Variants in SELENOF observed in about 807,000 individuals in gnomAD.
The protein encoded by SELENOF is 15 kDa selenoprotein.
A neutral mutation model predicts 20.5 loss-of-function variants in SELENOF; 16 were observed. That is an observed-to-expected ratio of 0.78 (90% CI 0.53 to 1.19). SELENOF has a LOEUF of 1.19. Among genes scored for constraint, SELENOF ranks in the 50% most tolerant of loss-of-function variants. SELENOF has a pLI of 0.00. For missense variants in SELENOF, 215 were observed against 194.2 expected (o/e 1.11, Z -0.64); for synonymous variants, 78 against 74.5 (o/e 1.05, Z -0.24).
chr1:86,863,426 T>G lies in SELENOF; in HGVS notation c.*48A>C. The G allele has an allele frequency of 6.5e-7, 1 of 1,527,092 alleles. No individual in the cohort carries two copies. 94.6% of individuals were successfully genotyped at this position (1,527,092 alleles called of 1,614,324 possible). ...AAATTATTTTCTAGGTGCTGTAATA[T>G]TTCATTTGATAAGGTAACAAAAGGA... On this transcript the variant is annotated 3_prime_UTR_variant, in exon 5 of 5. Coordinates refer to ENST00000331835, the MANE Select transcript of SELENOF (RefSeq NM_004261.5).
At chr1:86,869,521 A>G (rs1658699446) in intron 3 of SELENOF, among the ~76,000 whole-genome samples, 1 of 152,146 alleles carries the variant, frequency 6.6e-6, no homozygotes, top group South Asian at 2.1e-4. Context: ...AAATATATAA[A>G]GTGGTTCAAA....
chr1:86,911,971 C>T (rs1659995586), intron 1 of SELENOF, among the ~76,000 whole-genome samples: 1 of 151,960 alleles, frequency 6.6e-6, no homozygotes. Flanking sequence ...GGGGTTTCAC[C>T]GTGTTGGCCA....
At chr1:86,903,177 A>T in intron 2 of SELENOF, 104 bp downstream of exon 2, 1 of 1,016,352 alleles carries the variant, frequency 9.8e-7, no homozygotes, top group Non-Finnish European at 1.4e-6. Flanking sequence ...TAAAAAATGT[A>T]AAAGCTTAGA....
intron 2 of SELENOF, among the ~76,000 whole-genome samples, chr1:86,895,239 C>A (rs939058525): frequency 1.3e-5 from 2 of 152,166 alleles, no homozygotes; most frequent in African/African-American, 4.8e-5. Flanking sequence ...ACTGGCAAAT[C>A]TGATAGTTTA....
intron 2 of SELENOF, among the ~76,000 whole-genome samples, chr1:86,896,802 T>C (rs1185981867): frequency 1.3e-5 from 2 of 152,216 alleles, no homozygotes; most frequent in Admixed American, 6.5e-5. Context: ...CCTTATTCTT[T>C]CAGTTTTTAA....
intron 2 of SELENOF, among the ~76,000 whole-genome samples, chr1:86,884,346 TACAC>T (rs142756978): frequency 0.21 from 30,268 of 145,370 alleles, 3,506 homozygotes; most frequent in African/African-American, 0.33. Context: ...CGCACATACA[TACAC>T]ACACACACAC....
intron 2 of SELENOF, chr1:86,887,215 A>G (rs1484401322): frequency 2.0e-6 from 3 of 1,537,234 alleles, no homozygotes; most frequent in Non-Finnish European, 2.6e-6. Context: ...TAGGGGAAAA[A>G]AAATCAGCGT....
At chr1:86,907,318 T>C (rs1659855550) in intron 1 of SELENOF, among the ~76,000 whole-genome samples, 1 of 152,224 alleles carries the variant, frequency 6.6e-6, no homozygotes, top group African/African-American at 2.4e-5. Context: ...TATAAATGTT[T>C]TTATCACTAT....
chr1:86,892,449 A>G (rs114895514), intron 2 of SELENOF, among the ~76,000 whole-genome samples: 3,544 of 152,332 alleles, frequency 0.023, 131 homozygotes, highest in African/African-American at 0.081. Flanking sequence ...GACAAAAGTG[A>G]AGCTATTTTA....
At chr1:86,877,264 A>T (rs1658947277) in intron 3 of SELENOF, among the ~76,000 whole-genome samples, 1 of 152,162 alleles carries the variant, frequency 6.6e-6, no homozygotes, top group Non-Finnish European at 1.5e-5. Flanking sequence ...TAGATATTTA[A>T]CCTATTATAC....
chr1:86,906,117 A>G (rs1659821561), intron 1 of SELENOF, among the ~76,000 whole-genome samples: 1 of 152,214 alleles, frequency 6.6e-6, no homozygotes, highest in Admixed American at 6.5e-5. Flanking sequence ...TCTCTGTAAT[A>G]ATGTCATATG....
At chr1:86,906,053 G>A (rs1659819094) in intron 1 of SELENOF, among the ~76,000 whole-genome samples, 1 of 151,888 alleles carries the variant, frequency 6.6e-6, no homozygotes, top group South Asian at 2.1e-4. Flanking sequence ...TTAAGTACTT[G>A]TTGGCATATT....
chr1:86,886,128 C>T (rs1659209079), intron 2 of SELENOF, among the ~76,000 whole-genome samples: 1 of 152,146 alleles, frequency 6.6e-6, no homozygotes, highest in African/African-American at 2.4e-5. Flanking sequence ...GCGGAGTTCT[C>T]AACCCTGACA....
chr1:86,912,665 AC>A (rs1660014333), intron 1 of SELENOF, among the ~76,000 whole-genome samples: 1 of 152,230 alleles, frequency 6.6e-6, no homozygotes, highest in Non-Finnish European at 1.5e-5. Flanking sequence ...GAGAGGTCAC[AC>A]GGAACAGAAC....
At chr1:86,914,147 A>G, upstream of SELENOF, 1 of 1,594,178 alleles carries the variant, frequency 6.3e-7, no homozygotes, top group Non-Finnish European at 8.6e-7. Context: ...AAGGACCCCT[A>G]AGCTAGGGGC....
chr1:86,865,755 C>A (rs2102067308), intron 4 of SELENOF, among the ~76,000 whole-genome samples: 1 of 152,276 alleles, frequency 6.6e-6, no homozygotes, highest in Non-Finnish European at 1.5e-5. Context: ...TATGATCCAG[C>A]AATTCCACTT....
At chr1:86,909,440 G>T (rs922549593) in intron 1 of SELENOF, among the ~76,000 whole-genome samples, 1 of 152,124 alleles carries the variant, frequency 6.6e-6, no homozygotes, top group Non-Finnish European at 1.5e-5. Flanking sequence ...CTTCCTCACT[G>T]CTCTACACAA....
intron 2 of SELENOF, among the ~76,000 whole-genome samples, chr1:86,899,830 ACGGGGCGGTTGC>A (rs1659639130): frequency 6.9e-6 from 1 of 144,256 alleles, no homozygotes; most frequent in Admixed American, 6.8e-5. Flanking sequence ...CACTTCTCAG[ACGGGGCGGTTGC>A]CAGGCGGAGG....
intron 2 of SELENOF, among the ~76,000 whole-genome samples, chr1:86,882,247 C>CAAAAAAAAAAAAAAAAAAA (rs61037512): frequency 1.9e-4 from 12 of 61,856 alleles, no homozygotes; most frequent in East Asian, 8.3e-4. Context: ...GACTCTGTCT[C>CAAAAAAAAAAAAAAAAAAA]AAAAAAAAAA....
Sources: gnomAD v4.1 joint callset for allele counts (sites outside exome capture counted in the v4.1 genomes callset) on GRCh38, gnomAD v4.1.1 for gene constraint, MANE v1.5 for transcripts, NCBI Gene and HGNC (gene_info 2026-07-23, HGNC 2026-07-21) for gene names.